UNC93A: variants seen among roughly 807,000 people sequenced by gnomAD.
The protein encoded by UNC93A is unc-93 homolog A, also known as N-acetylglucosamine transporter UNC93A.
Under a neutral mutation model 47.5 loss-of-function variants are expected in UNC93A, and 43 were observed. The observed-to-expected ratio is 0.91, with a 90% CI of 0.71 to 1.17. The LOEUF (loss-of-function observed/expected upper bound fraction) is 1.17. Among genes scored for constraint, UNC93A ranks in the 50% most tolerant of loss-of-function variants. The pLI, the probability that UNC93A is intolerant of heterozygous loss-of-function variation, is 0.00. For missense variants in UNC93A, 605 were observed against 577.6 expected (o/e 1.05, Z -0.49); for synonymous variants, 280 against 258.0 (o/e 1.09, Z -0.82).
chr6:167,273,502 T>A (rs73255087), intron 1 of UNC93A, among the ~76,000 whole-genome samples: 2,930 of 152,272 alleles, frequency 0.019, 103 homozygotes, highest in African/African-American at 0.067. Context: ...TGAGATCCTA[T>A]CCTGACTTGA....
chr6:167,294,425 G>A (rs547662342), intron 1 of UNC93A, 92 bp from the exon 2 acceptor site: 125 of 1,465,302 alleles, frequency 8.5e-5, no homozygotes, highest in African/African-American at 8.3e-4. Context: ...GAGCTGTGGC[G>A]GCCTCCAGCC....
At chr6:167,283,546 G>A (rs1489514566) in intron 1 of UNC93A, among the ~76,000 whole-genome samples, 1 of 152,152 alleles carries the variant, frequency 6.6e-6, no homozygotes, top group African/African-American at 2.4e-5. Flanking sequence ...GGAAGGGTAA[G>A]GTGGCAGGGA....
intron 7 of UNC93A, among the ~76,000 whole-genome samples, chr6:167,312,938 CGT>C (rs1778598506): frequency 6.6e-6 from 1 of 152,232 alleles, no homozygotes; most frequent in Non-Finnish European, 1.5e-5. Flanking sequence ...GTCATCCACA[CGT>C]GTGGCTTCCC....
rs1385616842 is a variant in UNC93A at position 167,315,547 on chromosome 6, A to G, written c.*95A>G. On this transcript the variant is annotated 3_prime_UTR_variant, in exon 8 of 8. Coordinates refer to ENST00000230256, the MANE Select transcript of UNC93A (RefSeq NM_018974.4). Reference sequence around the variant, plus strand: ...GGACATAGAGCGGCTCCTCATCACCATCTCAGCACAATTTGGCCATTCTGA... The same window carrying G: ...GGACATAGAGCGGCTCCTCATCACCGTCTCAGCACAATTTGGCCATTCTGA... 2 of 1,579,260 alleles carry G rather than the reference A, an allele frequency of 1.3e-6. No homozygotes were observed. The highest frequency in any genetic ancestry group is 1.4e-5 in the African/African-American group (1 of 73,704).
At chr6:167,289,082 G>T (rs1435828878), upstream of UNC93A, among the ~76,000 whole-genome samples, 2 of 152,300 alleles carry the variant, frequency 1.3e-5, no homozygotes, top group Non-Finnish European at 2.9e-5. Flanking sequence ...CCTGGGCCAG[G>T]CCATGGCTCC....
intron 4 of UNC93A, among the ~76,000 whole-genome samples, chr6:167,299,136 A>AAAGG (rs3046653): frequency 8.9e-6 from 1 of 112,904 alleles, no homozygotes; most frequent in African/African-American, 4.1e-5. Flanking sequence ...AAAAATACAC[A>AAAGG]CACACACACA....
At chr6:167,270,514 G>A (rs963648677), upstream of UNC93A, among the ~76,000 whole-genome samples, 44 of 152,116 alleles carry the variant, frequency 2.9e-4, no homozygotes, top group Admixed American at 6.5e-4. Flanking sequence ...TTCCGGTGTG[G>A]GGGACATGGA....
At chr6:167,304,931 T>C (rs1229801328) in intron 5 of UNC93A, among the ~76,000 whole-genome samples, 1 of 152,118 alleles carries the variant, frequency 6.6e-6, no homozygotes, top group East Asian at 1.9e-4. Context: ...AAGCTTCTGC[T>C]CCATCCACTC....
intron 4 of UNC93A, among the ~76,000 whole-genome samples, chr6:167,299,117 CA>C (rs35271042): frequency 0.073 from 6,639 of 90,478 alleles, 245 homozygotes; most frequent in South Asian, 0.096. Flanking sequence ...GACTCCATCT[CA>C]AAAAAAAAAA....
At chr6:167,298,137 A>G in intron 4 of UNC93A, 67 bp downstream of exon 4, 1 of 1,556,518 alleles carries the variant, frequency 6.4e-7, no homozygotes, top group Non-Finnish European at 8.7e-7. Flanking sequence ...TCCTGGGCTG[A>G]CAAAGACTGT....
At chr6:167,311,237 G>A (rs1411041939) in intron 7 of UNC93A, among the ~76,000 whole-genome samples, 3 of 152,160 alleles carry the variant, frequency 2.0e-5, no homozygotes, top group Admixed American at 2.0e-4. Flanking sequence ...AATGCACTTT[G>A]TCCTCACCTT....
At chr6:167,309,500 G>A (rs1056562918) in intron 7 of UNC93A, among the ~76,000 whole-genome samples, 5 of 152,264 alleles carry the variant, frequency 3.3e-5, no homozygotes, top group East Asian at 3.9e-4. Flanking sequence ...GTGTCCTCTC[G>A]GAGGTGAGCA....
chr6:167,282,352 G>A (rs533142765), intron 1 of UNC93A, among the ~76,000 whole-genome samples: 82 of 152,246 alleles, frequency 5.4e-4, no homozygotes, highest in Admixed American at 1.8e-3. Context: ...ACCTGATGGG[G>A]TCAAGAGAAA....
At chr6:167,270,383 C>T (rs368772439), upstream of UNC93A, among the ~76,000 whole-genome samples, 48 of 152,052 alleles carry the variant, frequency 3.2e-4, no homozygotes, top group South Asian at 9.4e-3. Flanking sequence ...GGGTGCAATG[C>T]GGAGGGCTGT....
At chr6:167,314,442 C>A (rs914992380) in intron 7 of UNC93A, among the ~76,000 whole-genome samples, 2 of 152,054 alleles carry the variant, frequency 1.3e-5, no homozygotes, top group African/African-American at 2.4e-5. Context: ...CCTGTCCCTG[C>A]CCCCCACCTG....
At chr6:167,293,672 G>C (rs1008405248) in intron 1 of UNC93A, among the ~76,000 whole-genome samples, 1 of 152,200 alleles carries the variant, frequency 6.6e-6, no homozygotes, top group East Asian at 1.9e-4. Context: ...AGCAGCCCCA[G>C]TGAGAAGACA....
intron 7 of UNC93A, among the ~76,000 whole-genome samples, chr6:167,308,750 C>T (rs112498543): frequency 0.013 from 2,010 of 152,098 alleles, 50 homozygotes; most frequent in African/African-American, 0.046. Flanking sequence ...CAGCAGAAAG[C>T]GCTGACACCC....
intron 1 of UNC93A, among the ~76,000 whole-genome samples, chr6:167,293,225 C>A (rs1783882496): frequency 6.6e-6 from 1 of 152,180 alleles, no homozygotes; most frequent in Non-Finnish European, 1.5e-5. Context: ...TGTCCCACGC[C>A]CCGCCAGCAC....
intron 2 of UNC93A, 55 bp from the exon 3 acceptor site, chr6:167,295,972 CATGGG>C: frequency 6.7e-7 from 1 of 1,502,750 alleles, no homozygotes; most frequent in South Asian, 1.2e-5. Flanking sequence ...ACTGCAGGGA[CATGGG>C]TGCAATGGGC....
Sources: allele counts gnomAD v4.1 joint callset (sites outside exome capture counted in the v4.1 genomes callset), GRCh38; gene constraint gnomAD v4.1.1; transcripts MANE v1.5; gene names NCBI Gene and HGNC (gene_info 2026-07-23, HGNC 2026-07-21).